The following UGT1A1 variants were observed in gnomAD, a reference collection of about 807,000 sequenced individuals.
The protein encoded by UGT1A1 is UDP-glucuronosyltransferase 1A1.
A neutral mutation model predicts 40.6 loss-of-function variants in UGT1A1; 33 were observed. That is an observed-to-expected ratio of 0.81 (90% CI 0.62 to 1.09). The LOEUF (loss-of-function observed/expected upper bound fraction) is 1.09, where lower values mean the gene tolerates loss of function less well. UGT1A1 is among the 50% of genes least tolerant of loss of function. UGT1A1 has a pLI of 0.00. For synonymous variants in UGT1A1, 249 were observed against 265.0 expected, an observed-to-expected ratio of 0.94 and a Z score of 0.59; for missense variants, 694 against 671.2, an observed-to-expected ratio of 1.03 and a Z score of -0.38.
At chr2:233,768,580 T>TTA in intron 4 of UGT1A1, 141 bp downstream of exon 4, 2 of 1,335,112 alleles carry the variant, frequency 1.5e-6, no homozygotes, top group Non-Finnish European at 1.9e-6. Context: ...TTTTTATTTC[T>TTA]TCTTTTTTTT....
chr2:233,769,848 A>C lies in UGT1A1; in HGVS notation c.1304+1409A>C. ...CCAGCAACCTGGGCAACAGAGTGAG[A>C]CCCTGTCTCAAAAAAAAAAAAAAAA... is the stretch of plus-strand genomic sequence containing the variant. On this transcript the variant is annotated intron_variant, in intron 4 of 4. Transcript: ENST00000305208. The surrounding 1 kb of genome is among the most constrained non-coding windows in gnomAD (Gnocchi z 4.4). The C allele has an allele frequency of 1.9e-5, 9 of 472,234 alleles. No homozygotes were observed. Among genetic ancestry groups the C allele is most frequent in the South Asian group, 5.6e-5 (1 of 17,844 alleles). The allele number at this position is 472,234 out of a possible 1,614,324, so 29.3% of individuals were successfully genotyped here.
intron 3 of UGT1A1, 40 bp from the exon 4 acceptor site, chr2:233,768,180 G>C: frequency 6.2e-7 from 1 of 1,613,956 alleles, no homozygotes; most frequent in Admixed American, 1.7e-5. Context: ...GTGAAACTCA[G>C]AGATGTAACT....
Position 233,767,923 on chromosome 2 carries a change from A to G in UGT1A1, c.1071A>G (p.Gln357=), listed in dbSNP as rs553243445. ...NNTILVKWLP[Q]NDLLGHPMTR... ...CGATACTTGTTAAGTGGCTACCCCA[A>G]AACGATCTGCTTGGTATGTTGGGCG... Residue 357 remains glutamine (Q), a synonymous_variant, in exon 3 of 5, where the codon CAA becomes CAG. Transcript: ENST00000305208. The G allele has an allele frequency of 2.8e-5, 45 of 1,614,102 alleles. No individual in the cohort carries two copies. The highest frequency in any genetic ancestry group is 1.6e-4 in the Middle Eastern group (1 of 6,084).
At chr2:233,764,035 A>G (rs1459516650) in intron 1 of UGT1A1, among the ~76,000 whole-genome samples, 2 of 152,226 alleles carry the variant, frequency 1.3e-5, no homozygotes, top group Non-Finnish European at 2.9e-5. Context: ...GTGCTAAAGA[A>G]GAATTCTGGG....
chr2:233,771,764 G>GTCCCTCTCTCCT (rs1188840663), intron 4 of UGT1A1: 1 of 152,544 alleles, frequency 6.6e-6, no homozygotes, highest in East Asian at 1.9e-4. Context: ...TCCTTCCTCC[G>GTCCCTCTCTCCT]TCCCTCTCTC....
rs34028775 is a variant in UGT1A1 at position 233,762,751 on chromosome 2, A to AT, written c.864+1607dup. Among the ~76,000 whole-genome samples the AT allele has an allele frequency of 1.5e-3, 214 of 146,458 alleles. 1 individual carries two copies. Among genetic ancestry groups the AT allele is most frequent in the African/African-American group, 5.0e-3 (200 of 39,700 alleles). ...TTTTGGTCACTACTGTGAATGTGTT[A>AT]TTTTTTTGCATTTCTATCTCTAGCT... On this transcript the variant is annotated intron_variant, in intron 1 of 4. Coordinates refer to ENST00000305208, the MANE Select transcript of UGT1A1 (RefSeq NM_000463.3).
Position 233,760,326 on chromosome 2 carries a change from G to T in UGT1A1, c.39G>T (p.Leu13=). ...CCCAGGGCGGACGCCCACTTGTCCT[G>T]GGCCTGCTGCTGTGTGTGCTGGGCC... ...VESQGGRPLV[L]GLLLCVLGPV... is the part of the protein sequence containing the mutation. Residue 13 remains leucine (L), a synonymous_variant, in exon 1 of 5, where the codon CTG becomes CTT. Coordinates refer to ENST00000305208, the MANE Select transcript of UGT1A1 (RefSeq NM_000463.3). 1 of 1,614,028 alleles carries T rather than the reference G, an allele frequency of 6.2e-7. No homozygotes were observed. Among genetic ancestry groups the T allele is most frequent in the Non-Finnish European group, 8.5e-7 (1 of 1,179,946 alleles).
intron 1 of UGT1A1, among the ~76,000 whole-genome samples, chr2:233,766,257 A>G (rs1699081687): frequency 1.3e-5 from 2 of 151,512 alleles, no homozygotes; most frequent in African/African-American, 2.4e-5. Context: ...CAGACCGCTC[A>G]GTGGCCCGGG....
Position 233,769,415 on chromosome 2 carries a change from G to A in UGT1A1, c.1304+976G>A. On this transcript the variant is annotated intron_variant, in intron 4 of 4. Coordinates refer to ENST00000305208, the MANE Select transcript of UGT1A1 (RefSeq NM_000463.3). This position sits in a 1 kb window ranked among gnomAD's most constrained non-coding sequence, Gnocchi z 4.4. Reference sequence around the variant, plus strand: ...TGTGTGCATATGTGCGTGTGCGTTTGTGCATGTGGCTGTGCTCATGTGTGG... The same window carrying A: ...TGTGTGCATATGTGCGTGTGCGTTTATGCATGTGGCTGTGCTCATGTGTGG... The A allele has an allele frequency of 1.4e-6, 2 of 1,401,966 alleles. No homozygotes were observed. Among genetic ancestry groups the A allele is most frequent in the Non-Finnish European group, 2.0e-6 (2 of 1,003,386 alleles). The allele number at this position is 1,401,966 out of a possible 1,614,324, so 86.8% of individuals were successfully genotyped here.
In UGT1A1 at chr2:233,761,004, G is replaced by A; in HGVS notation, c.717G>A (p.Gln239=). Residue 239 remains glutamine (Q), a synonymous_variant, in exon 1 of 5, where the codon CAG becomes CAA. Transcript: ENST00000305208. ...PYATLASEFL[Q]REVTVQDLLS... Reference sequence around the variant, plus strand: ...CAACCCTTGCCTCAGAATTCCTTCAGAGAGAGGTGACTGTCCAGGACCTAT... The same window carrying A: ...CAACCCTTGCCTCAGAATTCCTTCAAAGAGAGGTGACTGTCCAGGACCTAT... The A allele has an allele frequency of 6.2e-7, 1 of 1,614,118 alleles. No individual in the cohort carries two copies. Among genetic ancestry groups the A allele is most frequent in the African/African-American group, 1.3e-5 (1 of 75,050 alleles).
intron 1 of UGT1A1, among the ~76,000 whole-genome samples, chr2:233,764,036 G>A (rs905956037): frequency 6.6e-6 from 1 of 152,136 alleles, no homozygotes; most frequent in South Asian, 2.1e-4. Flanking sequence ...TGCTAAAGAA[G>A]AATTCTGGGA....
rs1700550070 is a variant in UGT1A1, at chr2:233,772,816, C to A, written c.*257C>A. 3 of 1,016,374 alleles carry A rather than the reference C, an allele frequency of 3.0e-6. No individual in the cohort carries two copies. The highest frequency in any genetic ancestry group is 3.1e-5 in the Admixed American group (1 of 31,990). 63.0% of individuals were successfully genotyped at this position (1,016,374 alleles called of 1,614,324 possible). ...CATGTGCCATTTTTCAGAGGACGTG[C>A]AGACAGGCTGGCATTCTAGATTACT... On this transcript the variant is annotated 3_prime_UTR_variant, in exon 5 of 5. Transcript: ENST00000305208.
In UGT1A1 at chr2:233,767,833, T is replaced by C; in HGVS notation, c.997-16T>C. On this transcript the variant is annotated splice_polypyrimidine_tract_variant and intron_variant, in intron 2 of 4. Transcript: ENST00000305208. ...TATGTTCTTTCTTTACGTTCTGCTC[T>C]TTTTGCCCCTCCCAGGTCCTGTGGC... 2 of 1,614,174 alleles carry C rather than the reference T, an allele frequency of 1.2e-6. No homozygotes were observed. Among genetic ancestry groups the C allele is most frequent in the Non-Finnish European group, 1.7e-6 (2 of 1,180,036 alleles).
chr2:233,772,879 G>T lies in UGT1A1; in HGVS notation c.*320G>T. The stretch of plus-strand genomic sequence containing the variant: ...AAACATGGCCTGTTTGGGAGTGCGG[G>T]ATTCAAAGGTGGTCCCACGGCTGCC... On this transcript the variant is annotated 3_prime_UTR_variant, in exon 5 of 5. Transcript: ENST00000305208. The T allele has an allele frequency of 1.7e-6, 1 of 580,054 alleles. No individual in the cohort carries two copies. The allele number at this position is 580,054 out of a possible 1,614,324, so 35.9% of individuals were successfully genotyped here. A position where few individuals can be genotyped will look rare whatever the true frequency, so the allele number is the denominator to read the frequency against.
Position 233,769,622 on chromosome 2 carries a change from G to A in UGT1A1, c.1304+1183G>A, listed in dbSNP as rs926017310. 24 of 1,612,268 alleles carry A rather than the reference G, an allele frequency of 1.5e-5. No homozygotes were observed. Among genetic ancestry groups the A allele is most frequent in the Non-Finnish European group, 1.8e-5 (21 of 1,179,686 alleles). ...CACGGGGACACACCAGCTTGAGCAAGGGACAACAGGGGAGGACTGATGACT... is the reference window on the plus strand; with the variant it reads ...CACGGGGACACACCAGCTTGAGCAAAGGACAACAGGGGAGGACTGATGACT... On this transcript the variant is annotated intron_variant, in intron 4 of 4. Transcript: ENST00000305208. The surrounding 1 kb of genome is among the most constrained non-coding windows in gnomAD (Gnocchi z 4.4).
In UGT1A1 at chr2:233,760,312, C is replaced by G. The variant is rs370790922; in HGVS notation, c.25C>G (p.Arg9Gly). MAVESQGG[R>G]PLVLGLLLCV... ...CATGGCTGTGGAGTCCCAGGGCGGACGCCCACTTGTCCTGGGCCTGCTGCT... is the reference window on the plus strand; with the variant it reads ...CATGGCTGTGGAGTCCCAGGGCGGAGGCCCACTTGTCCTGGGCCTGCTGCT... Residue 9 changes from arginine (R) to glycine (G), a missense_variant, in exon 1 of 5, where the codon CGC (arginine) becomes GGC (glycine). By Grantham distance (125) the Arg-to-Gly change is moderately radical. Coordinates refer to ENST00000305208, the MANE Select transcript of UGT1A1 (RefSeq NM_000463.3). 1 of 1,613,816 alleles carries G rather than the reference C, an allele frequency of 6.2e-7. No homozygotes were observed. Among genetic ancestry groups the G allele is most frequent in the East Asian group, 2.2e-5 (1 of 44,874 alleles).
chr2:233,768,607 G>A (rs1227150844), intron 4 of UGT1A1, among the ~76,000 whole-genome samples, 168 bp downstream of exon 4: 1 of 99,376 alleles, frequency 1.0e-5, no homozygotes, highest in South Asian at 3.4e-4. Context: ...TTTTTTTTGA[G>A]ATGGAGTCTT....
At position 233,767,873 on chromosome 2, in the gene UGT1A1, C is replaced by T. The variant is rs72551349; in HGVS notation, c.1021C>T (p.Arg341Ter). 2.0e-5 allele frequency: 32 copies of T among 1,614,038 alleles called. No homozygotes were observed. Among genetic ancestry groups the T allele is most frequent in the South Asian group, 1.5e-4 (14 of 91,082 alleles). The change falls in exon 3 of 5, where the codon CGA becomes TGA. Residue 341 changes from arginine (R) to a stop codon, truncating the protein, a stop_gained. Transcript: ENST00000305208. LOFTEE classifies it high-confidence loss of function. Reference sequence around the variant, plus strand: ...GGTCCTGTGGCGGTACACTGGAACCCGACCATCGAATCTTGCGAACAACAC... The same window carrying T: ...GGTCCTGTGGCGGTACACTGGAACCTGACCATCGAATCTTGCGAACAACAC... ...QTVLWRYTGT[R>*]PSNLANNTIL...
chr2:233,767,054 T>C lies in UGT1A1; in HGVS notation c.885T>C (p.Asn295=), dbSNP rs1164851963. ...PLSQEFEAYI[N]ASGEHGIVVF... ...TCTAGGAATTTGAAGCCTACATTAA[T>C]GCTTCTGGAGAACATGGAATTGTGG... is the stretch of plus-strand genomic sequence containing the variant. The change falls in exon 2 of 5, where the codon AAT becomes AAC. Residue 295 remains asparagine, a synonymous_variant. Coordinates refer to ENST00000305208, the MANE Select transcript of UGT1A1 (RefSeq NM_000463.3). The C allele has an allele frequency of 2.5e-6, 4 of 1,614,114 alleles. No homozygotes were observed. Among genetic ancestry groups the C allele is most frequent in the Non-Finnish European group, 2.5e-6 (3 of 1,179,982 alleles).
Sources: gnomAD v4.1 joint callset for allele counts (sites outside exome capture counted in the v4.1 genomes callset) on GRCh38, gnomAD v4.1.1 for gene constraint, Gnocchi (gnomAD v3.1) non-coding constraint, MANE v1.5 for transcripts, NCBI Gene and HGNC (gene_info 2026-07-23, HGNC 2026-07-21) for gene names.